Variants in MDGA2 observed in about 807,000 individuals in gnomAD.
MDGA2 encodes MAM domain-containing glycosylphosphatidylinositol anchor protein 2.
A neutral mutation model predicts 117.8 loss-of-function variants in MDGA2; 40 were observed. The observed-to-expected ratio is 0.34, with a 90% confidence interval of 0.26 to 0.44. The LOEUF (loss-of-function observed/expected upper bound fraction) is 0.44. Among genes scored for constraint, MDGA2 ranks in the 20% least tolerant of loss-of-function variants. The pLI, the probability that MDGA2 is intolerant of heterozygous loss-of-function variation, is 1.00. For synonymous variants in MDGA2, 452 were observed against 439.0 expected (o/e 1.03, Z -0.37); for missense variants, 1,123 against 1,250.6 (o/e 0.90, Z 1.54).
chr14:47,554,198 TCTGA>T (rs1895641686), intron 1 of MDGA2, among the ~76,000 whole-genome samples: 1 of 152,216 alleles, frequency 6.6e-6, no homozygotes, highest in Non-Finnish European at 1.5e-5. Context: ...GCATTTGCCA[TCTGA>T]CTGTCTCTGA....
chr14:47,200,351 T>A (rs1001431666), intron 3 of MDGA2, among the ~76,000 whole-genome samples: 4 of 151,934 alleles, frequency 2.6e-5, no homozygotes, highest in Non-Finnish European at 5.9e-5. Flanking sequence ...CAGAACAGAA[T>A]GAACGAAACA....
At chr14:46,957,962 C>T (rs1885630829) in intron 8 of MDGA2, among the ~76,000 whole-genome samples, 2 of 152,160 alleles carry the variant, frequency 1.3e-5, no homozygotes, top group African/African-American at 4.8e-5. Context: ...CAATATATTC[C>T]TTTTTTGTTT....
chr14:46,987,158 CTTAT>C, intron 8 of MDGA2, among the ~76,000 whole-genome samples: 1 of 152,008 alleles, frequency 6.6e-6, no homozygotes, highest in East Asian at 1.9e-4. Flanking sequence ...TGACAGAAAA[CTTAT>C]TTTCAAATGA....
At chr14:47,014,344 G>C (rs1888006681) in intron 8 of MDGA2, among the ~76,000 whole-genome samples, 1 of 152,178 alleles carries the variant, frequency 6.6e-6, no homozygotes, top group Non-Finnish European at 1.5e-5. Context: ...AAATGCACCA[G>C]CTACATTAGC....
At chr14:47,596,015 G>T (rs1349293378) in intron 1 of MDGA2, among the ~76,000 whole-genome samples, 1 of 152,096 alleles carries the variant, frequency 6.6e-6, no homozygotes, top group Non-Finnish European at 1.5e-5. Flanking sequence ...TATAATTCTG[G>T]AAAGTAGGTA....
intron 6 of MDGA2, among the ~76,000 whole-genome samples, chr14:47,069,798 A>T (rs1008488892): frequency 2.6e-5 from 4 of 152,234 alleles, no homozygotes; most frequent in Non-Finnish European, 4.4e-5. Context: ...AAAATCATTT[A>T]AATATATGTT....
intron 1 of MDGA2, among the ~76,000 whole-genome samples, chr14:47,595,033 A>C (rs371249819): frequency 6.6e-5 from 10 of 152,114 alleles, no homozygotes; most frequent in African/African-American, 2.2e-4. Flanking sequence ...GGTACAGCTA[A>C]ACATTTTTTT....
At chr14:47,093,513 C>A (rs1369869874) in intron 6 of MDGA2, among the ~76,000 whole-genome samples, 1 of 152,010 alleles carries the variant, frequency 6.6e-6, no homozygotes, top group Non-Finnish European at 1.5e-5. Flanking sequence ...GCTAGGAAAT[C>A]AATGTAACAT....
chr14:47,305,412 A>G (rs1889410824), intron 1 of MDGA2: 1 of 152,176 alleles, frequency 6.6e-6, no homozygotes, highest in African/African-American at 2.4e-5. Context: ...AAATTTCATT[A>G]TGTAAAATCT....
chr14:47,532,058 T>G (rs968392356), intron 1 of MDGA2, among the ~76,000 whole-genome samples: 7 of 152,198 alleles, frequency 4.6e-5, no homozygotes, highest in African/African-American at 1.7e-4. Context: ...ATAAGGGTGC[T>G]AAGTCTTTCA....
intron 14 of MDGA2, among the ~76,000 whole-genome samples, chr14:46,872,543 G>A (rs1882049574): frequency 6.6e-6 from 1 of 151,844 alleles, no homozygotes; most frequent in African/African-American, 2.4e-5. Flanking sequence ...AAAGGTGAGA[G>A]ATTATATCAC....
chr14:47,556,939 G>T (rs1311794612), intron 1 of MDGA2, among the ~76,000 whole-genome samples: 1 of 152,080 alleles, frequency 6.6e-6, no homozygotes, highest in East Asian at 1.9e-4. Flanking sequence ...TCCCCAGTTT[G>T]CTAATAAAGA....
At chr14:47,506,197 G>A (rs554948028) in intron 1 of MDGA2, among the ~76,000 whole-genome samples, 12 of 152,098 alleles carry the variant, frequency 7.9e-5, no homozygotes, top group African/African-American at 2.9e-4. Flanking sequence ...TGTCAGAGAA[G>A]ACATCCAAAT....
At chr14:47,391,847 G>A (rs1891901737) in intron 1 of MDGA2, among the ~76,000 whole-genome samples, 2 of 148,338 alleles carry the variant, frequency 1.3e-5, no homozygotes, top group South Asian at 4.3e-4. Flanking sequence ...TTTAATATAA[G>A]TATCTCAAAG....
At chr14:47,136,733 GT>G (rs1339843285) in intron 4 of MDGA2, among the ~76,000 whole-genome samples, 2 of 152,112 alleles carry the variant, frequency 1.3e-5, no homozygotes, top group African/African-American at 4.8e-5. Flanking sequence ...TTTGGGCAGT[GT>G]TTTGCATGTT....
At chr14:46,845,540 T>C (rs941238491) in intron 16 of MDGA2, among the ~76,000 whole-genome samples, 14 of 152,174 alleles carry the variant, frequency 9.2e-5, no homozygotes, top group African/African-American at 3.1e-4. Context: ...CTTACGTAGA[T>C]CTAAATCAAA....
intron 10 of MDGA2, among the ~76,000 whole-genome samples, chr14:46,890,909 T>C (rs1168467773): frequency 6.6e-6 from 1 of 152,092 alleles, no homozygotes; most frequent in Admixed American, 6.6e-5. Context: ...AAGGGTGTTA[T>C]GATAAAGTTA....
chr14:47,663,205 T>C (rs1162746682), intron 1 of MDGA2, among the ~76,000 whole-genome samples: 2 of 152,234 alleles, frequency 1.3e-5, no homozygotes, highest in African/African-American at 4.8e-5. Context: ...TGAAATTACT[T>C]GGCAGTTGTA....
chr14:47,501,120 C>A (rs1894390243), intron 1 of MDGA2, among the ~76,000 whole-genome samples: 2 of 152,194 alleles, frequency 1.3e-5, no homozygotes, highest in African/African-American at 2.4e-5. Context: ...TTTAAAAAAT[C>A]TGAACTTAAA....
Sources: allele counts gnomAD v4.1 joint callset (sites outside exome capture counted in the v4.1 genomes callset), GRCh38; gene constraint gnomAD v4.1.1; transcripts MANE v1.5; gene names NCBI Gene and HGNC (gene_info 2026-07-23, HGNC 2026-07-21).